RAPGEF6: variants seen among roughly 807,000 people sequenced by gnomAD.
RAPGEF6 encodes Rap guanine nucleotide exchange factor 6, also known as PDZ domain containing guanine nucleotide exchange factor (GEF) 2.
In RAPGEF6, 56 loss-of-function variants were observed where a neutral mutation model predicts 171.4. That is an observed-to-expected ratio of 0.33 (90% CI 0.26 to 0.41). The LOEUF (loss-of-function observed/expected upper bound fraction) is 0.41, where lower values mean the gene tolerates loss of function less well. Ranked by LOEUF, RAPGEF6 falls within the 10% of genes least tolerant of loss-of-function variation. The pLI, the probability that RAPGEF6 is intolerant of heterozygous loss-of-function variation, is 1.00. For synonymous variants in RAPGEF6, 692 were observed against 650.1 expected (o/e 1.06, Z -0.98); for missense variants, 1,674 against 1,921.4 (o/e 0.87, Z 2.41).
intron 16 of RAPGEF6, among the ~76,000 whole-genome samples, chr5:131,476,278 T>C (rs1024606522): frequency 1.3e-5 from 2 of 152,088 alleles, no homozygotes; most frequent in East Asian, 1.9e-4. Flanking sequence ...CTGAATCAAA[T>C]AATTTTGTCA....
intron 4 of RAPGEF6, among the ~76,000 whole-genome samples, chr5:131,568,178 C>G (rs1254165809): frequency 6.6e-6 from 1 of 152,146 alleles, no homozygotes; most frequent in Non-Finnish European, 1.5e-5. Flanking sequence ...AATGAAATTA[C>G]TAACTTGTCT....
chr5:131,514,157 C>G (rs964470819), intron 7 of RAPGEF6, among the ~76,000 whole-genome samples: 1 of 152,076 alleles, frequency 6.6e-6, no homozygotes, highest in South Asian at 2.1e-4. Flanking sequence ...TAAGAGTATA[C>G]ATGAGCATAA....
intron 20 of RAPGEF6, among the ~76,000 whole-genome samples, chr5:131,454,818 AAAC>A (rs1464515528): frequency 2.6e-5 from 4 of 152,228 alleles, no homozygotes; most frequent in African/African-American, 9.6e-5. Context: ...AATTAAGAAA[AAAC>A]AAAATCTTAA....
intron 21 of RAPGEF6, among the ~76,000 whole-genome samples, chr5:131,448,848 A>G (rs1752883706): frequency 6.6e-6 from 1 of 152,192 alleles, no homozygotes; most frequent in Admixed American, 6.5e-5. Context: ...CTTCTTTATA[A>G]TAGTAATGCC....
chr5:131,634,788 C>A (rs1015637575), intron 1 of RAPGEF6, among the ~76,000 whole-genome samples, 174 bp downstream of exon 1: 1 of 152,196 alleles, frequency 6.6e-6, no homozygotes, highest in Non-Finnish European at 1.5e-5. Context: ...GCAGGAAGGG[C>A]GGTCGGCACC....
intron 6 of RAPGEF6, among the ~76,000 whole-genome samples, chr5:131,522,173 CA>C (rs1758541970): frequency 6.6e-6 from 1 of 152,042 alleles, no homozygotes; most frequent in South Asian, 2.1e-4. Context: ...ACAAGAAACA[CA>C]AAAAGTAAAT....
In RAPGEF6 at chr5:131,436,969, G is replaced by T. The variant is rs1473005421; in HGVS notation, c.3745+2612C>A. ...ATCCTCATGCAAAACATGAAGACAGGTTTATTTTCTTAATCATAAGAAAAC... is the reference window on the plus strand; with the variant it reads ...ATCCTCATGCAAAACATGAAGACAGTTTTATTTTCTTAATCATAAGAAAAC... On this transcript the variant is annotated intron_variant, in intron 24 of 27. Transcript: ENST00000509018. Among the ~76,000 whole-genome samples, 3 of 152,096 alleles carry T rather than the reference G, an allele frequency of 2.0e-5. No individual in the cohort carries two copies. In the East Asian group the frequency reaches 5.8e-4, roughly 29 times the overall value.
chr5:131,537,634 AC>A (rs1199694288), intron 6 of RAPGEF6, among the ~76,000 whole-genome samples: 2 of 152,222 alleles, frequency 1.3e-5, no homozygotes, highest in African/African-American at 4.8e-5. Context: ...CATGAGAAAC[AC>A]AAACACAAGG....
intron 3 of RAPGEF6, among the ~76,000 whole-genome samples, chr5:131,602,848 C>T (rs2150014553): frequency 6.6e-6 from 1 of 152,218 alleles, no homozygotes; most frequent in East Asian, 1.9e-4. Context: ...ATTATTTGCA[C>T]ACAATTATAT....
At chr5:131,590,399 A>T (rs1249365886) in intron 4 of RAPGEF6, among the ~76,000 whole-genome samples, 1 of 152,198 alleles carries the variant, frequency 6.6e-6, no homozygotes, top group African/African-American at 2.4e-5. Context: ...TCTCAAATTT[A>T]AAAAATCATA....
At chr5:131,517,630 T>C (rs945266286) in intron 7 of RAPGEF6, among the ~76,000 whole-genome samples, 6 of 127,368 alleles carry the variant, frequency 4.7e-5, no homozygotes, top group East Asian at 2.1e-4. Context: ...ACATTGGCAA[T>C]GTACACCTGT....
chr5:131,528,132 T>C (rs1759043399), intron 6 of RAPGEF6, among the ~76,000 whole-genome samples: 1 of 86,806 alleles, frequency 1.2e-5, no homozygotes, highest in Non-Finnish European at 2.2e-5. Context: ...ATATATATTA[T>C]ATAATATATA....
chr5:131,577,534 G>A (rs11949449), intron 4 of RAPGEF6, among the ~76,000 whole-genome samples: 95,644 of 151,914 alleles, frequency 0.63, 32,158 homozygotes, highest in Non-Finnish European at 0.77. Context: ...CAGGAAATTC[G>A]CCAGGCTGCT....
intron 27 of RAPGEF6, among the ~76,000 whole-genome samples, chr5:131,427,892 G>T (rs1054803223): frequency 6.6e-6 from 1 of 152,118 alleles, no homozygotes; most frequent in African/African-American, 2.4e-5. Context: ...CAGATTGCTT[G>T]AGTCCAGGAG....
intron 16 of RAPGEF6, among the ~76,000 whole-genome samples, chr5:131,473,620 T>C (rs940351456): frequency 6.6e-6 from 1 of 152,220 alleles, no homozygotes; most frequent in Non-Finnish European, 1.5e-5. Flanking sequence ...CTGTTACTAT[T>C]AATTCTTGTC....
chr5:131,516,723 T>C (rs568296054), intron 7 of RAPGEF6, among the ~76,000 whole-genome samples: 8 of 152,358 alleles, frequency 5.3e-5, no homozygotes, highest in Non-Finnish European at 8.8e-5. Flanking sequence ...TTCTCTTGAA[T>C]ACTCTTTGAA....
intron 25 of RAPGEF6, among the ~76,000 whole-genome samples, chr5:131,432,198 G>A (rs1751749908): frequency 6.6e-6 from 1 of 152,268 alleles, no homozygotes; most frequent in East Asian, 1.9e-4. Flanking sequence ...AGATTGCAGA[G>A]GCGAAAATAT....
chr5:131,448,770 C>A (rs148725768), intron 21 of RAPGEF6, among the ~76,000 whole-genome samples: 2 of 152,106 alleles, frequency 1.3e-5, no homozygotes, highest in African/African-American at 4.8e-5. Flanking sequence ...GCTGAATGAA[C>A]GTGAAACATG....
At chr5:131,458,930 G>A (rs191278647) in intron 19 of RAPGEF6, among the ~76,000 whole-genome samples, 34 of 152,312 alleles carry the variant, frequency 2.2e-4, no homozygotes, top group African/African-American at 7.9e-4. Flanking sequence ...CAGGATCACA[G>A]GCGTGAGCCA....
Sources: gnomAD v4.1 joint callset for allele counts (sites outside exome capture counted in the v4.1 genomes callset) on GRCh38, gnomAD v4.1.1 for gene constraint, MANE v1.5 for transcripts, NCBI Gene and HGNC (gene_info 2026-07-23, HGNC 2026-07-21) for gene names.